The following PLCZ1 variants were observed in gnomAD, a reference collection of about 807,000 sequenced individuals.
PLCZ1 encodes the protein 1-phosphatidylinositol 4,5-bisphosphate phosphodiesterase zeta-1.
In PLCZ1, 64 loss-of-function variants were observed where a neutral mutation model predicts 76.8. The observed-to-expected ratio is 0.83, with a 90% confidence interval of 0.68 to 1.03. The LOEUF is 1.03. PLCZ1 is among the 50% of genes least tolerant of loss of function. The pLI is 0.00. For synonymous variants in PLCZ1, 248 were observed against 230.8 expected, an observed-to-expected ratio of 1.07 and a Z score of -0.68; for missense variants, 751 against 713.7, an observed-to-expected ratio of 1.05 and a Z score of -0.60.
At chr12:18,671,510 A>G in the PLCZ1 span, among the ~76,000 whole-genome samples, 1 of 152,156 alleles carries the variant, frequency 6.6e-6, no homozygotes, top group Non-Finnish European at 1.5e-5. Context: ...GAGCTACAGC[A>G]TTCACTATGG....
At chr12:18,650,971 G>T in the PLCZ1 span, among the ~76,000 whole-genome samples, 1 of 151,472 alleles carries the variant, frequency 6.6e-6, no homozygotes, top group African/African-American at 2.4e-5. Flanking sequence ...ACACAGCAAT[G>T]GGAATGGTTA....
chr12:18,685,844 G>GCACACACACACACA (rs765449096), intron 13 of PLCZ1, among the ~76,000 whole-genome samples: 2 of 48,214 alleles, frequency 4.1e-5, no homozygotes, highest in Admixed American at 4.9e-4. Flanking sequence ...ACACACACAC[G>GCACACACACACACA]CGCACACACA....
rs187017403 is a variant in PLCZ1 at position 18,693,612 on chromosome 12, C to T, written c.1461+1298G>A. ...TTTCGAGTTGCTGAAGAACGTGCAC[C>T]GTCCATTGTGTTTATTGATGAAATT... On this transcript the variant is annotated intron_variant, in intron 12 of 14. Transcript: ENST00000266505. The T allele has an allele frequency of 6.5e-4, 1,024 of 1,570,086 alleles. 1 individual carries two copies. In the Middle Eastern group the frequency reaches 0.012, roughly 19 times the overall value.
rs3825081 is a variant in PLCZ1, at chr12:18,696,137, G to A, written c.1291+13C>T. 31 of 1,261,476 alleles carry A rather than the reference G, an allele frequency of 2.5e-5. No individual in the cohort carries two copies. The highest frequency in any genetic ancestry group is 2.7e-5 in the Non-Finnish European group (23 of 866,646). The allele number at this position is 1,261,476 out of a possible 1,614,324, so 78.1% of individuals were successfully genotyped here. A position where few individuals can be genotyped will look rare whatever the true frequency, so the allele number is the denominator to read the frequency against. ...TTACTTCTGCAAACAACTCAATATCGTATATAACATACCCATTTGACAACC... is the reference window on the plus strand; with the variant it reads ...TTACTTCTGCAAACAACTCAATATCATATATAACATACCCATTTGACAACC... On this transcript the variant is annotated intron_variant, in intron 11 of 14. Transcript: ENST00000266505.
the PLCZ1 span, among the ~76,000 whole-genome samples, chr12:18,651,241 C>G: frequency 6.6e-6 from 1 of 151,932 alleles, no homozygotes. Flanking sequence ...CCTTTGTGCC[C>G]TGTATCCATT....
At chr12:18,703,325 C>A (rs1469246639) in intron 7 of PLCZ1, among the ~76,000 whole-genome samples, 3 of 152,080 alleles carry the variant, frequency 2.0e-5, no homozygotes, top group Non-Finnish European at 4.4e-5. Context: ...ACTAGTGTCA[C>A]AACACTTTCA....
In PLCZ1 at chr12:18,699,867, T is replaced by G; in HGVS notation, c.1101A>C (p.Ser367=). 1 of 1,613,198 alleles carries G rather than the reference T, an allele frequency of 6.2e-7. No homozygotes were observed. Among genetic ancestry groups the G allele is most frequent in the Admixed American group, 1.7e-5 (1 of 59,982 alleles). The part of the protein sequence containing the change: ...KAEKFKSFQH[S]RLYQQFNENN... ...TTTCATTAAATTGCTGATATAATCT[T>G]GAATGTTGAAAGCTTTTGAATTTCT... The change falls in exon 10 of 15, where the codon TCA becomes TCC. Residue 367 remains serine (S), a synonymous_variant. Coordinates refer to ENST00000266505, the MANE Select transcript of PLCZ1 (RefSeq NM_033123.4).
intron 3 of PLCZ1, among the ~76,000 whole-genome samples, chr12:18,728,845 A>G (rs1958894290): frequency 6.6e-6 from 1 of 152,074 alleles, no homozygotes; most frequent in South Asian, 2.1e-4. Flanking sequence ...ATATGGTGCT[A>G]TTTATTTTTT....
intron 10 of PLCZ1, 138 bp downstream of exon 10, chr12:18,699,656 C>G: frequency 1.1e-6 from 1 of 917,902 alleles, no homozygotes; most frequent in East Asian, 2.6e-5. Flanking sequence ...AGGTATGTAA[C>G]CCCATTCTAA....
intron 3 of PLCZ1, among the ~76,000 whole-genome samples, chr12:18,733,910 C>A (rs138809340): frequency 3.5e-4 from 53 of 152,196 alleles, no homozygotes; most frequent in African/African-American, 1.3e-3. Context: ...ATGCCTCCAC[C>A]TTTATATTTC....
At chr12:18,726,701 T>C (rs1958771031) in intron 3 of PLCZ1, among the ~76,000 whole-genome samples, 1 of 152,206 alleles carries the variant, frequency 6.6e-6, no homozygotes, top group Non-Finnish European at 1.5e-5. Context: ...TTTAAAATAA[T>C]GTGATGAGAA....
intron 10 of PLCZ1, among the ~76,000 whole-genome samples, chr12:18,698,242 C>CTTCTATTATA (rs1955381624): frequency 6.9e-6 from 1 of 145,402 alleles, no homozygotes. Flanking sequence ...ATACACTTTT[C>CTTCTATTATA]TTCTATTCTA....
chr12:18,686,096 G>T (rs763743316), intron 13 of PLCZ1, among the ~76,000 whole-genome samples: 1 of 151,940 alleles, frequency 6.6e-6, no homozygotes, highest in East Asian at 1.9e-4. Context: ...CCATCTGGAC[G>T]TTGACTTCTG....
rs781271921 is a variant in PLCZ1 at position 18,723,293 on chromosome 12, T to A, written c.367+18A>T. 1 of 1,589,552 alleles carries A rather than the reference T, an allele frequency of 6.3e-7. No homozygotes were observed. On this transcript the variant is annotated intron_variant, in intron 4 of 14. Coordinates refer to ENST00000266505, the MANE Select transcript of PLCZ1 (RefSeq NM_033123.4). ...TCACATATAAATATTCCGATAAAAG[T>A]TTGAAATGCAAACATACCTTCTTCG... is the stretch of plus-strand genomic sequence containing the variant.
At chr12:18,725,567 A>T (rs564253597) in intron 3 of PLCZ1, among the ~76,000 whole-genome samples, 3 of 151,774 alleles carry the variant, frequency 2.0e-5, no homozygotes, top group Admixed American at 2.0e-4. Flanking sequence ...GACCATCTCA[A>T]CTCCCTCTTA....
intron 13 of PLCZ1, 79 bp from the exon 14 acceptor site, chr12:18,684,358 C>A: frequency 7.1e-7 from 1 of 1,402,764 alleles, no homozygotes. Context: ...GTTCTCCAAA[C>A]TTTTTCTTTT....
chr12:18,684,124 C>CA lies in PLCZ1; in HGVS notation c.1741+5dup. Reference sequence around the variant, plus strand: ...GGTACAATCATCTAACTTTTAGGGACATTACCTTTGTTCATGCATAGAAGT... The same window carrying CA: ...GGTACAATCATCTAACTTTTAGGGACAATTACCTTTGTTCATGCATAGAAGT... On this transcript the variant is annotated splice_donor_region_variant and intron_variant, in intron 14 of 14. Coordinates refer to ENST00000266505, the MANE Select transcript of PLCZ1 (RefSeq NM_033123.4). The CA allele has an allele frequency of 6.2e-7, 1 of 1,610,962 alleles. No homozygotes were observed. Among genetic ancestry groups the CA allele is most frequent in the South Asian group, 1.1e-5 (1 of 91,018 alleles).
At chr12:18,648,587 A>C in the PLCZ1 span, among the ~76,000 whole-genome samples, 1 of 152,132 alleles carries the variant, frequency 6.6e-6, no homozygotes, top group Non-Finnish European at 1.5e-5. Flanking sequence ...TGTTGGAAGA[A>C]ACTTCTTTGT....
intron 3 of PLCZ1, among the ~76,000 whole-genome samples, chr12:18,727,971 A>G (rs1411130814): frequency 6.6e-6 from 1 of 152,182 alleles, no homozygotes; most frequent in Non-Finnish European, 1.5e-5. Flanking sequence ...GGTCAGAAGA[A>G]GAGTCTGAAA....
Sources: gnomAD v4.1 joint callset for allele counts (sites outside exome capture counted in the v4.1 genomes callset) on GRCh38, gnomAD v4.1.1 for gene constraint, MANE v1.5 for transcripts, NCBI Gene and HGNC (gene_info 2026-07-23, HGNC 2026-07-21) for gene names.